The following FRMD4B variants were observed in gnomAD, a reference collection of about 807,000 sequenced individuals.
FRMD4B encodes the protein FERM domain-containing protein 4B.
In FRMD4B, 74 loss-of-function variants were observed where a neutral mutation model predicts 141.5. That is an observed-to-expected ratio of 0.52 (90% CI 0.43 to 0.63). FRMD4B has a LOEUF of 0.63. Ranked by LOEUF, FRMD4B falls within the 30% of genes least tolerant of loss-of-function variation. The pLI, the probability that FRMD4B is intolerant of heterozygous loss-of-function variation, is 0.00. For missense variants in FRMD4B, 1,366 were observed against 1,253.4 expected, an observed-to-expected ratio of 1.09 and a Z score of -1.36; for synonymous variants, 506 against 467.9, an observed-to-expected ratio of 1.08 and a Z score of -1.05.
chr3:69,235,150 A>AAATAAT (rs55995422), intron 7 of FRMD4B, among the ~76,000 whole-genome samples: 5,557 of 134,018 alleles, frequency 0.041, 166 homozygotes, highest in East Asian at 0.12. Flanking sequence ...ACCCTGTCTC[A>AAATAAT]AATAATAATA....
Position 69,176,722 on chromosome 3 carries a change from A to T in FRMD4B, c.2852-66T>A, listed in dbSNP as rs73835746. 6,095 of 1,098,526 alleles carry T rather than the reference A, an allele frequency of 5.5e-3. 245 individuals are homozygous for T. In the African/African-American group the frequency reaches 0.085, roughly 15 times the overall value. The allele number at this position is 1,098,526 out of a possible 1,614,324, so 68.0% of individuals were successfully genotyped here. On this transcript the variant is annotated intron_variant, in intron 21 of 22. Transcript: ENST00000398540. ...TTAAAAGTGAAAAATTGTTAAGGTC[A>T]TTCAGAGGTACATTGCAATCAGCTT...
intron 5 of FRMD4B, among the ~76,000 whole-genome samples, chr3:69,277,187 T>C (rs1220034806): frequency 1.3e-5 from 2 of 152,166 alleles, no homozygotes; most frequent in South Asian, 4.1e-4. Flanking sequence ...TACAAAGACA[T>C]GAGTACTTAC....
chr3:69,523,478 C>T (rs916992649), intron 1 of FRMD4B, among the ~76,000 whole-genome samples: 1 of 152,110 alleles, frequency 6.6e-6, no homozygotes, highest in Non-Finnish European at 1.5e-5. Context: ...TCTATTCTGA[C>T]ATCATGAGCC....
intron 18 of FRMD4B, among the ~76,000 whole-genome samples, chr3:69,188,814 GT>G (rs1217228780): frequency 2.0e-5 from 3 of 150,680 alleles, no homozygotes; most frequent in African/African-American, 7.4e-5. Context: ...TGGGGGTGTG[GT>G]TTCCTGGAAT....
chr3:69,294,617 G>C (rs1700980551), intron 4 of FRMD4B, among the ~76,000 whole-genome samples: 2 of 152,118 alleles, frequency 1.3e-5, no homozygotes, highest in South Asian at 4.1e-4. Flanking sequence ...CTGCCCTCTT[G>C]CTCCTTTCCC....
intron 7 of FRMD4B, among the ~76,000 whole-genome samples, chr3:69,234,128 C>A (rs1306523287): frequency 6.6e-6 from 1 of 151,842 alleles, no homozygotes; most frequent in East Asian, 1.9e-4. Context: ...TGCGTGTAGT[C>A]CCAGTTACTC....
At chr3:69,428,380 C>T (rs1705121246) in intron 2 of FRMD4B, among the ~76,000 whole-genome samples, 1 of 148,868 alleles carries the variant, frequency 6.7e-6, no homozygotes, top group African/African-American at 2.5e-5. Context: ...GTTCCTAAAA[C>T]AACAAGTGTT....
At chr3:69,351,125 T>C (rs1703133524) in intron 1 of FRMD4B, among the ~76,000 whole-genome samples, 1 of 152,200 alleles carries the variant, frequency 6.6e-6, no homozygotes, top group African/African-American at 2.4e-5. Flanking sequence ...TACCTTCCTT[T>C]CTTAGATTGC....
chr3:69,275,521 C>T (rs1272921685), intron 5 of FRMD4B, among the ~76,000 whole-genome samples: 1 of 151,426 alleles, frequency 6.6e-6, no homozygotes, highest in African/African-American at 2.4e-5. Context: ...CTCACTGCAG[C>T]CTTGACCTCA....
At chr3:69,183,474 ATTTTTTT>A (rs771537044) in intron 19 of FRMD4B, among the ~76,000 whole-genome samples, 43 of 113,278 alleles carry the variant, frequency 3.8e-4, no homozygotes, top group South Asian at 1.4e-3. Flanking sequence ...TTAGAAGTTA[ATTTTTTT>A]TTTTTTTTTT....
At chr3:69,223,215 T>A (rs188123389) in intron 8 of FRMD4B, among the ~76,000 whole-genome samples, 3 of 152,252 alleles carry the variant, frequency 2.0e-5, no homozygotes, top group South Asian at 4.1e-4. Flanking sequence ...GTCTTTTTTT[T>A]TAATTAAAAA....
At chr3:69,440,334 G>T (rs1238298730) in intron 1 of FRMD4B, among the ~76,000 whole-genome samples, 2 of 152,138 alleles carry the variant, frequency 1.3e-5, no homozygotes, top group Non-Finnish European at 2.9e-5. Context: ...AACTTCTAAA[G>T]CATCCTATAT....
At chr3:69,351,584 C>T (rs995978590) in intron 1 of FRMD4B, among the ~76,000 whole-genome samples, 1 of 152,164 alleles carries the variant, frequency 6.6e-6, no homozygotes, top group Non-Finnish European at 1.5e-5. Context: ...TTGGATGCAG[C>T]TCCCACTTTT....
At chr3:69,453,008 T>A (rs897232556) in intron 1 of FRMD4B, among the ~76,000 whole-genome samples, 4 of 152,242 alleles carry the variant, frequency 2.6e-5, no homozygotes, top group African/African-American at 9.6e-5. Flanking sequence ...GTGTGCTTTA[T>A]ATTTACACTA....
intron 2 of FRMD4B, among the ~76,000 whole-genome samples, chr3:69,404,163 C>G (rs79441316): frequency 0.019 from 2,955 of 152,308 alleles, 72 homozygotes; most frequent in Non-Finnish European, 0.025. Context: ...TCCCAAAGCA[C>G]TGAGATTACA....
At chr3:69,254,403 C>G (rs1364054223) in intron 5 of FRMD4B, among the ~76,000 whole-genome samples, 1 of 152,104 alleles carries the variant, frequency 6.6e-6, no homozygotes, top group Admixed American at 6.6e-5. Flanking sequence ...GCCACCGTAC[C>G]CAGCCAAAAC....
At chr3:69,274,025 A>G (rs1206555371) in intron 5 of FRMD4B, among the ~76,000 whole-genome samples, 1 of 152,152 alleles carries the variant, frequency 6.6e-6, no homozygotes, top group Non-Finnish European at 1.5e-5. Context: ...GAAGGCATTC[A>G]GCAGAAAGAC....
At chr3:69,507,909 A>C (rs1329735846) in intron 1 of FRMD4B, among the ~76,000 whole-genome samples, 2 of 152,184 alleles carry the variant, frequency 1.3e-5, no homozygotes, top group African/African-American at 4.8e-5. Context: ...TTTCTTTTAG[A>C]GGTAAAGAGG....
chr3:69,487,023 T>A (rs1035818970), intron 1 of FRMD4B, among the ~76,000 whole-genome samples: 1 of 152,202 alleles, frequency 6.6e-6, no homozygotes, highest in African/African-American at 2.4e-5. Context: ...ACACTTAAGA[T>A]AACGTCTGAC....
Sources: allele counts gnomAD v4.1 joint callset (sites outside exome capture counted in the v4.1 genomes callset), GRCh38; gene constraint gnomAD v4.1.1; transcripts MANE v1.5; gene names NCBI Gene and HGNC (gene_info 2026-07-23, HGNC 2026-07-21).